WDR70: variants seen among roughly 807,000 people sequenced by gnomAD.
WDR70 encodes WD repeat-containing protein 70.
WDR70 carries 53 observed loss-of-function variants against 88.6 expected under a neutral mutation model. That is an observed-to-expected ratio of 0.60 (90% CI 0.48 to 0.75). WDR70 has a LOEUF of 0.75. WDR70 is among the 30% of genes least tolerant of loss of function. WDR70 has a pLI of 0.00. For missense variants in WDR70, 610 were observed against 823.2 expected (o/e 0.74, Z 3.17); for synonymous variants, 280 against 270.0 (o/e 1.04, Z -0.36).
chr5:37,605,423 T>C (rs1312397777), intron 10 of WDR70, among the ~76,000 whole-genome samples, 185 bp downstream of exon 10: 1 of 152,204 alleles, frequency 6.6e-6, no homozygotes, highest in Admixed American at 6.5e-5. Flanking sequence ...TCAGCAGACA[T>C]TTCAACTCTG....
intron 8 of WDR70, among the ~76,000 whole-genome samples, chr5:37,489,812 T>C (rs1740010517): frequency 6.6e-6 from 1 of 151,862 alleles, no homozygotes; most frequent in Non-Finnish European, 1.5e-5. Context: ...TTTATTATTA[T>C]ACTTTAAGTT....
In WDR70 at chr5:37,445,898, C is replaced by T. The variant is rs1738454763; in HGVS notation, c.686+2526C>T. Among the ~76,000 whole-genome samples the T allele has an allele frequency of 2.0e-5, 3 of 152,184 alleles. No individual in the cohort carries two copies. The South Asian group carries it at 6.2e-4, about 31-fold the overall frequency. Reference sequence around the variant, plus strand: ...CTGGCACAAGACAGGGATGCCCTCTCTCACCACTCCTATTCAACATAGTGT... The same window carrying T: ...CTGGCACAAGACAGGGATGCCCTCTTTCACCACTCCTATTCAACATAGTGT... On this transcript the variant is annotated intron_variant, in intron 7 of 17. Transcript: ENST00000265107.
intron 9 of WDR70, among the ~76,000 whole-genome samples, chr5:37,576,748 G>A (rs542216084): frequency 3.0e-5 from 4 of 134,360 alleles, no homozygotes; most frequent in East Asian, 4.2e-4. Context: ...GTGCTGTACC[G>A]TAAATATTTG....
At chr5:37,745,647 G>A (rs1262017277) in intron 17 of WDR70, among the ~76,000 whole-genome samples, 1 of 151,728 alleles carries the variant, frequency 6.6e-6, no homozygotes. Context: ...TGACAAAGCA[G>A]ACTTTAAACC....
At chr5:37,486,682 A>C (rs1041509412) in intron 8 of WDR70, among the ~76,000 whole-genome samples, 24 of 151,928 alleles carry the variant, frequency 1.6e-4, no homozygotes, top group African/African-American at 5.5e-4. Context: ...CTGGTGTGAG[A>C]TGGTATGCCA....
At chr5:37,747,449 A>G (rs1581546231) in intron 17 of WDR70, among the ~76,000 whole-genome samples, 1 of 152,210 alleles carries the variant, frequency 6.6e-6, no homozygotes, top group East Asian at 1.9e-4. Context: ...AAAATTCAAC[A>G]CCCCTTCATT....
chr5:37,439,759 C>T (rs992518623), intron 6 of WDR70, among the ~76,000 whole-genome samples: 4 of 151,520 alleles, frequency 2.6e-5, no homozygotes, highest in African/African-American at 9.7e-5. Flanking sequence ...TAAAAAGGTC[C>T]ATAAGGCCAA....
At chr5:37,459,605 T>A (rs1357606306) in intron 7 of WDR70, among the ~76,000 whole-genome samples, 21 of 42,334 alleles carry the variant, frequency 5.0e-4, no homozygotes, top group African/African-American at 1.3e-3. Flanking sequence ...AACCTAGGCA[T>A]TACCATTCAG....
In WDR70 at chr5:37,651,974, T is replaced by C. The variant is rs1745421554; in HGVS notation, c.1093-45681T>C. 3.9e-5 allele frequency among the ~76,000 whole-genome samples: 6 copies of C among 152,218 alleles called. No individual in the cohort carries two copies. The South Asian group carries it at 1.2e-3, about 31-fold the overall frequency. The stretch of plus-strand genomic sequence containing the variant: ...CTCTTTAGTTTAATTAAATCCCGTT[T>C]ATCAATTTTGGCTTTTGGTGTTTTA... On this transcript the variant is annotated intron_variant, in intron 10 of 17. Coordinates refer to ENST00000265107, the MANE Select transcript of WDR70 (RefSeq NM_018034.4).
intron 6 of WDR70, 137 bp from the exon 7 acceptor site, chr5:37,443,102 A>T: frequency 1.1e-6 from 1 of 883,654 alleles, no homozygotes; most frequent in Non-Finnish European, 1.7e-6. Flanking sequence ...CCTGCTTTTC[A>T]GAAGTAACAA....
chr5:37,497,471 T>C (rs59341539), intron 8 of WDR70, among the ~76,000 whole-genome samples: 1,812 of 48,114 alleles, frequency 0.038, 23 homozygotes, highest in Middle Eastern at 0.11. Flanking sequence ...GTCTTCCCTT[T>C]CCTTCCCTCT....
chr5:37,414,958 C>T (rs576830218), intron 5 of WDR70, among the ~76,000 whole-genome samples: 1 of 148,734 alleles, frequency 6.7e-6, no homozygotes, highest in Non-Finnish European at 1.5e-5. Context: ...TCCCTGGGTA[C>T]TTGAGATTAG....
chr5:37,680,922 A>T (rs1301908109), intron 10 of WDR70, among the ~76,000 whole-genome samples: 1 of 152,104 alleles, frequency 6.6e-6, no homozygotes, highest in Non-Finnish European at 1.5e-5. Context: ...AATGGCTTTA[A>T]ATAATGTTAA....
At chr5:37,526,484 T>A (rs1022207613) in intron 9 of WDR70, among the ~76,000 whole-genome samples, 23 of 152,138 alleles carry the variant, frequency 1.5e-4, no homozygotes, top group Non-Finnish European at 2.8e-4. Context: ...GACATATCTC[T>A]AAATAATAAG....
At chr5:37,505,906 T>A in intron 8 of WDR70, 3 of 1,362,142 alleles carry the variant, frequency 2.2e-6, no homozygotes, top group Non-Finnish European at 3.2e-6. Flanking sequence ...GTCATCTGAC[T>A]TCCTTCCATA....
intron 8 of WDR70, chr5:37,506,763 C>G (rs1740572814): frequency 2.3e-6 from 3 of 1,283,588 alleles, no homozygotes; most frequent in Non-Finnish European, 3.4e-6. Context: ...GAGTTTACTG[C>G]TGGCCACAGA....
At chr5:37,383,775 G>T (rs979618003) in intron 3 of WDR70, among the ~76,000 whole-genome samples, 9 of 151,566 alleles carry the variant, frequency 5.9e-5, no homozygotes, top group African/African-American at 2.2e-4. Flanking sequence ...AGTAGAGATG[G>T]GGTTTCACCG....
intron 3 of WDR70, among the ~76,000 whole-genome samples, chr5:37,383,611 G>A (rs112855371): frequency 2.0e-5 from 3 of 151,068 alleles, no homozygotes; most frequent in African/African-American, 7.3e-5. Flanking sequence ...ATGGCGTCTC[G>A]CTCTGTCGCC....
intron 17 of WDR70, among the ~76,000 whole-genome samples, chr5:37,739,708 A>G (rs2973074): frequency 3.3e-5 from 5 of 151,848 alleles, no homozygotes; most frequent in Non-Finnish European, 7.4e-5. Context: ...GGTTTGTTAC[A>G]TAGGTATACA....
Sources: gnomAD v4.1 joint callset for allele counts (sites outside exome capture counted in the v4.1 genomes callset) on GRCh38, gnomAD v4.1.1 for gene constraint, MANE v1.5 for transcripts, NCBI Gene and HGNC (gene_info 2026-07-23, HGNC 2026-07-21) for gene names.